Variants in TMEM132D observed in about 807,000 individuals in gnomAD.
TMEM132D encodes transmembrane protein 132D, also known as mature OL transmembrane protein.
TMEM132D carries 21 observed loss-of-function variants against 62.3 expected under a neutral mutation model. The observed-to-expected ratio is 0.34, with a 90% CI of 0.24 to 0.49. The LOEUF (loss-of-function observed/expected upper bound fraction) is 0.49. TMEM132D is among the 20% of genes least tolerant of loss of function. The pLI, the probability that TMEM132D is intolerant of heterozygous loss-of-function variation, is 0.99. For synonymous variants in TMEM132D, 621 were observed against 575.6 expected, an observed-to-expected ratio of 1.08 and a Z score of -1.13; for missense variants, 1,346 against 1,402.8, an observed-to-expected ratio of 0.96 and a Z score of 0.65.
At chr12:129,815,141 C>T (rs192636384) in intron 1 of TMEM132D, among the ~76,000 whole-genome samples, 147 of 152,144 alleles carry the variant, frequency 9.7e-4, no homozygotes, top group Non-Finnish European at 5.9e-5. Flanking sequence ...ATTTTAATTG[C>T]GCTAAGTAAT....
intron 2 of TMEM132D, among the ~76,000 whole-genome samples, chr12:129,587,483 C>A (rs936810656): frequency 2.0e-5 from 3 of 152,058 alleles, no homozygotes; most frequent in Admixed American, 6.5e-5. Flanking sequence ...GTACAACAAA[C>A]CCCCATGACA....
At chr12:129,307,483 A>G (rs751430607) in intron 4 of TMEM132D, among the ~76,000 whole-genome samples, 16 of 152,060 alleles carry the variant, frequency 1.1e-4, no homozygotes, top group Non-Finnish European at 2.1e-4. Flanking sequence ...TAGCCCTTCT[A>G]TTTCCTAGGT....
rs150772016 is a variant in TMEM132D, at chr12:129,752,385, C to T, written c.80-51687G>A. Among the ~76,000 whole-genome samples, 576 of 152,308 alleles carry T rather than the reference C, an allele frequency of 3.8e-3. 8 individuals carry two copies. Among genetic ancestry groups the T allele is most frequent in the Admixed American group, 0.031 (470 of 15,304 alleles). On this transcript the variant is annotated intron_variant, in intron 1 of 8. Coordinates refer to ENST00000422113, the MANE Select transcript of TMEM132D (RefSeq NM_133448.3). ...CTCTCTTTAACTCAGATTAAAGGCC[C>T]TGATTTTGTCAACATCTCTATGCAG... is the stretch of plus-strand genomic sequence containing the variant.
intron 1 of TMEM132D, among the ~76,000 whole-genome samples, chr12:129,895,757 G>C (rs543919909): frequency 6.6e-6 from 1 of 152,082 alleles, no homozygotes; most frequent in East Asian, 1.9e-4. Context: ...GTGGCACAGA[G>C]CAGCTGAAAA....
At chr12:129,819,950 GTGCACC>G in intron 1 of TMEM132D, among the ~76,000 whole-genome samples, 1 of 152,234 alleles carries the variant, frequency 6.6e-6, no homozygotes, top group East Asian at 1.9e-4. Context: ...AAGACCGCAC[GTGCACC>G]GTGGACATGA....
At chr12:129,354,394 G>A (rs776240443) in intron 3 of TMEM132D, among the ~76,000 whole-genome samples, 2 of 151,658 alleles carry the variant, frequency 1.3e-5, no homozygotes, top group Non-Finnish European at 2.9e-5. Context: ...CATGATCTTA[G>A]CTTACTGCAA....
chr12:129,806,845 G>A (rs1203894796), intron 1 of TMEM132D, among the ~76,000 whole-genome samples: 1 of 151,506 alleles, frequency 6.6e-6, no homozygotes, highest in Admixed American at 6.6e-5. Context: ...GGGCAATATA[G>A]TGAGACCCCA....
chr12:129,801,446 A>G (rs866375108), intron 1 of TMEM132D, among the ~76,000 whole-genome samples: 1 of 151,856 alleles, frequency 6.6e-6, no homozygotes, highest in Non-Finnish European at 1.5e-5. Context: ...CTCACACGGC[A>G]GGGTATTCCA....
At chr12:129,093,671 T>C (rs1875005602) in intron 5 of TMEM132D, among the ~76,000 whole-genome samples, 3 of 152,084 alleles carry the variant, frequency 2.0e-5, no homozygotes, top group Admixed American at 6.5e-5. Flanking sequence ...CTTCGCAGAA[T>C]TGGAAAAAAC....
At chr12:129,750,682 G>A (rs762874426) in intron 1 of TMEM132D, among the ~76,000 whole-genome samples, 2 of 152,174 alleles carry the variant, frequency 1.3e-5, no homozygotes, top group Non-Finnish European at 1.5e-5. Flanking sequence ...GAGGGTGGGA[G>A]GGGAGGAGCA....
chr12:129,375,050 C>G (rs142182920), intron 3 of TMEM132D, among the ~76,000 whole-genome samples: 31 of 152,324 alleles, frequency 2.0e-4, no homozygotes, highest in African/African-American at 7.0e-4. Flanking sequence ...GCATGGCAGA[C>G]CAGAGGAATT....
At chr12:129,131,325 G>A (rs961416982) in intron 5 of TMEM132D, among the ~76,000 whole-genome samples, 48 of 152,260 alleles carry the variant, frequency 3.2e-4, no homozygotes, top group Admixed American at 1.9e-3. Context: ...GAAATTATCC[G>A]GCCAGGTATA....
intron 3 of TMEM132D, among the ~76,000 whole-genome samples, chr12:129,490,704 C>T (rs1173414940): frequency 2.0e-5 from 3 of 148,780 alleles, no homozygotes; most frequent in African/African-American, 5.0e-5. Context: ...CTGTCAGCCT[C>T]GGCCTCCCAA....
chr12:129,332,585 T>C (rs2135652615), intron 4 of TMEM132D, among the ~76,000 whole-genome samples: 1 of 152,290 alleles, frequency 6.6e-6, no homozygotes, highest in East Asian at 1.9e-4. Flanking sequence ...TCTACTTACT[T>C]AGTTGTGCTG....
intron 3 of TMEM132D, among the ~76,000 whole-genome samples, chr12:129,343,432 G>C (rs184908935): frequency 1.3e-5 from 2 of 151,780 alleles, no homozygotes; most frequent in African/African-American, 4.8e-5. Flanking sequence ...GTTGTGGGGT[G>C]GGGGGATGGG....
intron 1 of TMEM132D, among the ~76,000 whole-genome samples, chr12:129,737,961 A>G (rs1457113993): frequency 6.6e-6 from 1 of 152,242 alleles, no homozygotes; most frequent in Non-Finnish European, 1.5e-5. Flanking sequence ...CAATACAATT[A>G]TAATTAAAAA....
At chr12:129,786,753 T>C (rs1289875028) in intron 1 of TMEM132D, among the ~76,000 whole-genome samples, 4 of 152,152 alleles carry the variant, frequency 2.6e-5, no homozygotes, top group Non-Finnish European at 5.9e-5. Context: ...TGGCTGAGCT[T>C]GGTGGTACAT....
At chr12:129,171,876 G>A (rs1877745470) in intron 5 of TMEM132D, among the ~76,000 whole-genome samples, 1 of 152,148 alleles carries the variant, frequency 6.6e-6, no homozygotes, top group Admixed American at 6.5e-5. Context: ...TAACTCTTAA[G>A]GGCCCTAGGA....
chr12:129,307,881 T>C (rs1353735650), intron 4 of TMEM132D, among the ~76,000 whole-genome samples: 1 of 152,188 alleles, frequency 6.6e-6, no homozygotes, highest in African/African-American at 2.4e-5. Context: ...TGTATGATTT[T>C]CTTATTTTCT....
Sources: gnomAD v4.1 joint callset for allele counts (sites outside exome capture counted in the v4.1 genomes callset) on GRCh38, gnomAD v4.1.1 for gene constraint, MANE v1.5 for transcripts, NCBI Gene and HGNC (gene_info 2026-07-23, HGNC 2026-07-21) for gene names.